MYOZ2: variants seen among roughly 807,000 people sequenced by gnomAD.
MYOZ2 encodes the protein myozenin 2, also known as myozenin-2.
MYOZ2 carries 19 observed loss-of-function variants against 25.4 expected under a neutral mutation model. The observed-to-expected ratio is 0.75, with a 90% CI of 0.52 to 1.10. The LOEUF is 1.10. Among genes scored for constraint, MYOZ2 ranks in the 50% least tolerant of loss-of-function variants. The pLI is 0.00. For synonymous variants in MYOZ2, 92 were observed against 106.9 expected (o/e 0.86, Z 0.86); for missense variants, 270 against 317.9 (o/e 0.85, Z 1.15).
intron 5 of MYOZ2, among the ~76,000 whole-genome samples, chr4:119,165,831 C>T (rs993450785): frequency 1.3e-5 from 2 of 152,092 alleles, no homozygotes; most frequent in Admixed American, 6.6e-5. Flanking sequence ...TATCTTGTGG[C>T]TTTGGTGCCC....
rs1318991252 is a variant in MYOZ2, at chr4:119,151,051, A to C, written c.246+10A>C. On this transcript the variant is annotated intron_variant, in intron 3 of 5. Transcript: ENST00000307128. ...TAGAGCACAAATAAATGTAGGTATA[A>C]CTTGAACAGGTAGTATCCAAATGAA... The C allele has an allele frequency of 6.2e-7, 1 of 1,600,284 alleles. No homozygotes were observed. The highest frequency in any genetic ancestry group is 8.6e-7 in the Non-Finnish European group (1 of 1,167,698).
chr4:119,154,451 T>C (rs549608293), intron 3 of MYOZ2, among the ~76,000 whole-genome samples: 1 of 152,148 alleles, frequency 6.6e-6, no homozygotes, highest in African/African-American at 2.4e-5. Flanking sequence ...GCTCTGCTTA[T>C]TTTCTTAACG....
rs145139865 is a variant in MYOZ2, at chr4:119,180,633, A to G, written c.561-5333A>G. 2.8e-3 allele frequency among the ~76,000 whole-genome samples: 433 copies of G among 152,330 alleles called. 3 individuals are homozygous for G. The highest frequency in any genetic ancestry group is 9.7e-3 in the African/African-American group (405 of 41,582). On this transcript the variant is annotated intron_variant, in intron 5 of 5. Coordinates refer to ENST00000307128, the MANE Select transcript of MYOZ2 (RefSeq NM_016599.5). ...CGGTGGTGCGATTTCAGCTCACTGC[A>G]ACCTCTGCTTCCTGGGTTCAAGCGA...
rs1204859222 is a variant in MYOZ2 at position 119,147,172 on chromosome 4, T to C, written c.77-3700T>C. ...CACCTTTAATCCAATCTGACATCAA[T>C]TGATGTATTTAGATTATTTACATTT... On this transcript the variant is annotated intron_variant, in intron 2 of 5. Transcript: ENST00000307128. Among the ~76,000 whole-genome samples the C allele has an allele frequency of 3.3e-5, 5 of 152,316 alleles. No individual in the cohort carries two copies. The East Asian group carries it at 9.6e-4, about 29-fold the overall frequency.
chr4:119,164,113 T>G (rs1375028189), intron 4 of MYOZ2, 98 bp from the exon 5 acceptor site: 1 of 1,197,958 alleles, frequency 8.3e-7, no homozygotes, highest in African/African-American at 1.5e-5. Flanking sequence ...CTTCATAAAT[T>G]TATCCCAGCA....
chr4:119,137,303 C>T (rs1741052470), intron 2 of MYOZ2, among the ~76,000 whole-genome samples: 1 of 152,052 alleles, frequency 6.6e-6, no homozygotes, highest in Non-Finnish European at 1.5e-5. Context: ...TGCTTTATAA[C>T]TTGCATTTTG....
intron 5 of MYOZ2, among the ~76,000 whole-genome samples, chr4:119,181,449 T>C (rs1056259298): frequency 6.6e-6 from 1 of 152,202 alleles, no homozygotes; most frequent in African/African-American, 2.4e-5. Flanking sequence ...CTGGGAGAGT[T>C]ATTCTACATA....
intron 3 of MYOZ2, among the ~76,000 whole-genome samples, chr4:119,151,744 T>G (rs113864630): frequency 0.023 from 3,430 of 152,212 alleles, 130 homozygotes; most frequent in African/African-American, 0.075. Flanking sequence ...ATGGCTGGCG[T>G]GAAGAATCAA....
chr4:119,138,168 A>G (rs750441591), intron 2 of MYOZ2, among the ~76,000 whole-genome samples: 5 of 152,296 alleles, frequency 3.3e-5, no homozygotes, highest in South Asian at 2.1e-4. Flanking sequence ...CAAAACCACT[A>G]TCTCACCACC....
intron 2 of MYOZ2, among the ~76,000 whole-genome samples, chr4:119,141,415 C>T (rs945753020): frequency 1.3e-5 from 2 of 152,072 alleles, no homozygotes; most frequent in African/African-American, 4.8e-5. Flanking sequence ...TGGAGTCTTG[C>T]TCTGTTGCCC....
chr4:119,155,714 G>A (rs1473403097), intron 3 of MYOZ2, among the ~76,000 whole-genome samples: 1 of 152,110 alleles, frequency 6.6e-6, no homozygotes, highest in African/African-American at 2.4e-5. Flanking sequence ...TATTCACTAG[G>A]CAATTAGGAA....
Position 119,186,098 on chromosome 4 carries a change from C to G in MYOZ2, c.693C>G (p.Ser231=). The part of the protein sequence containing the change: ...SFVNPLSGRR[S]FNRTPKGWIS... ...TCAATCCCCTTTCTGGCAGACGGTC[C>G]TTTAATAGGACTCCTAAGGGATGGA... The change falls in exon 6 of 6, where the codon TCC becomes TCG. Residue 231 remains serine (S), a synonymous_variant. Transcript: ENST00000307128. 6.2e-7 allele frequency: 1 copy of G among 1,613,966 alleles called. No individual in the cohort carries two copies. Among genetic ancestry groups the G allele is most frequent in the South Asian group, 1.1e-5 (1 of 91,076 alleles).
At chr4:119,166,435 G>A (rs1434488304) in intron 5 of MYOZ2, among the ~76,000 whole-genome samples, 1 of 151,812 alleles carries the variant, frequency 6.6e-6, no homozygotes, top group Non-Finnish European at 1.5e-5. Context: ...GAGCCCAGGA[G>A]GTTGAGGCTG....
intron 4 of MYOZ2, among the ~76,000 whole-genome samples, chr4:119,162,004 T>C (rs1293064455): frequency 6.6e-6 from 1 of 152,086 alleles, no homozygotes; most frequent in Non-Finnish European, 1.5e-5. Flanking sequence ...AGGAAAGGAA[T>C]AGGAAATAAA....
intron 3 of MYOZ2, among the ~76,000 whole-genome samples, chr4:119,154,317 T>G (rs183229079): frequency 1.1e-3 from 160 of 152,268 alleles, no homozygotes; most frequent in African/African-American, 3.8e-3. Flanking sequence ...AGGGTCAACT[T>G]AACTGAGGTA....
chr4:119,160,944 T>TAC (rs34423982), intron 4 of MYOZ2, among the ~76,000 whole-genome samples: 6 of 564 alleles, frequency 0.011, no homozygotes, highest in Non-Finnish European at 0.03. Flanking sequence ...TATAAATAAC[T>TAC]GTATTATTCT....
At chr4:119,162,295 G>T (rs1374056984) in intron 4 of MYOZ2, among the ~76,000 whole-genome samples, 2 of 152,192 alleles carry the variant, frequency 1.3e-5, no homozygotes, top group Non-Finnish European at 2.9e-5. Flanking sequence ...CGGTGAGGCT[G>T]GACGGGCTTA....
At chr4:119,136,134 T>C (rs1319629706) in intron 1 of MYOZ2, among the ~76,000 whole-genome samples, 152 bp downstream of exon 1, 1 of 152,240 alleles carries the variant, frequency 6.6e-6, no homozygotes, top group Non-Finnish European at 1.5e-5. Context: ...GTCTAGTGTC[T>C]TCTTCATTCT....
intron 2 of MYOZ2, among the ~76,000 whole-genome samples, chr4:119,139,587 G>A (rs1741115414): frequency 1.3e-5 from 2 of 152,162 alleles, no homozygotes; most frequent in Non-Finnish European, 2.9e-5. Flanking sequence ...AAAAGGATAG[G>A]AAGTATTAAA....
Sources: allele counts gnomAD v4.1 joint callset (sites outside exome capture counted in the v4.1 genomes callset), GRCh38; gene constraint gnomAD v4.1.1; transcripts MANE v1.5; gene names NCBI Gene and HGNC (gene_info 2026-07-23, HGNC 2026-07-21).